The following ASTN1 variants were observed in gnomAD, a reference collection of about 807,000 sequenced individuals.
ASTN1 encodes the protein astrotactin 1.
A neutral mutation model predicts 140.7 loss-of-function variants in ASTN1; 41 were observed. That is an observed-to-expected ratio of 0.29 (90% CI 0.23 to 0.38). The LOEUF is 0.38. ASTN1 is among the 10% of genes least tolerant of loss of function. ASTN1 has a pLI of 1.00. For synonymous variants in ASTN1, 640 were observed against 652.2 expected (o/e 0.98, Z 0.29); for missense variants, 1,479 against 1,678.8 (o/e 0.88, Z 2.08).
chr1:177,006,579 C>T (rs1482357098), intron 8 of ASTN1, among the ~76,000 whole-genome samples: 1 of 152,104 alleles, frequency 6.6e-6, no homozygotes, highest in African/African-American at 2.4e-5. Context: ...AAAGCATAGG[C>T]AAGACATAAA....
At chr1:176,879,834 G>A (rs183300120) in intron 20 of ASTN1, among the ~76,000 whole-genome samples, 2 of 152,288 alleles carry the variant, frequency 1.3e-5, no homozygotes, top group East Asian at 1.9e-4. Flanking sequence ...CTTGACCTAA[G>A]GGCCATTCCT....
intron 20 of ASTN1, among the ~76,000 whole-genome samples, chr1:176,881,142 C>A (rs1282741977): frequency 1.3e-5 from 2 of 152,202 alleles, no homozygotes; most frequent in East Asian, 3.9e-4. Context: ...TCACTCCTGG[C>A]CTCCCACACG....
chr1:177,102,294 A>G (rs1314448336), intron 1 of ASTN1, among the ~76,000 whole-genome samples: 1 of 152,212 alleles, frequency 6.6e-6, no homozygotes, highest in East Asian at 1.9e-4. Context: ...AATCTTTTCA[A>G]GGTAGGTACT....
intron 8 of ASTN1, chr1:176,976,210 C>T (rs1163125205): frequency 6.6e-6 from 1 of 152,200 alleles, no homozygotes; most frequent in Non-Finnish European, 1.5e-5. Context: ...GATTTTCCTA[C>T]ATTCAGAAAT....
intron 16 of ASTN1, among the ~76,000 whole-genome samples, chr1:176,916,584 C>A (rs993353900): frequency 5.3e-5 from 8 of 152,140 alleles, no homozygotes; most frequent in African/African-American, 1.9e-4. Context: ...CCTCACCCTC[C>A]ACATCCAAAG....
At chr1:176,882,235 A>G (rs1668832535) in intron 20 of ASTN1, among the ~76,000 whole-genome samples, 1 of 152,342 alleles carries the variant, frequency 6.6e-6, no homozygotes, top group Middle Eastern at 3.4e-3. Flanking sequence ...AATTACTTCA[A>G]TGCCATTGGA....
At chr1:176,922,800 C>T (rs571879209) in intron 16 of ASTN1, among the ~76,000 whole-genome samples, 89 of 152,034 alleles carry the variant, frequency 5.9e-4, no homozygotes, top group Non-Finnish European at 1.1e-3. Flanking sequence ...TTACCCAGGG[C>T]AAGTTTTACT....
chr1:177,029,760 G>A lies in ASTN1; in HGVS notation c.1013-19C>T. The A allele has an allele frequency of 1.3e-6, 2 of 1,596,886 alleles. No homozygotes were observed. The highest frequency in any genetic ancestry group is 1.7e-6 in the Non-Finnish European group (2 of 1,168,918). ...GAACCAGCTGTAATGAAAGCAGCAT[G>A]GTCAAGAAAGCGTTTTCAGTTCTGG... On this transcript the variant is annotated intron_variant, in intron 4 of 22. Transcript: ENST00000361833.
intron 8 of ASTN1, among the ~76,000 whole-genome samples, chr1:177,006,241 T>C (rs1674988123): frequency 6.6e-6 from 1 of 152,156 alleles, no homozygotes; most frequent in African/African-American, 2.4e-5. Flanking sequence ...TTACCCTATT[T>C]TGTGATTATG....
intron 1 of ASTN1, among the ~76,000 whole-genome samples, chr1:177,128,204 C>T (rs1049832260): frequency 2.0e-5 from 3 of 151,948 alleles, no homozygotes; most frequent in Non-Finnish European, 2.9e-5. Context: ...AAAAAGAAAA[C>T]AAAAGAGTAT....
At chr1:177,162,837 G>A (rs554621151) in intron 1 of ASTN1, among the ~76,000 whole-genome samples, 2 of 152,138 alleles carry the variant, frequency 1.3e-5, no homozygotes, top group South Asian at 2.1e-4. Flanking sequence ...TTTGATGAGC[G>A]GCATATCCAC....
At chr1:176,975,207 C>A (rs887560322) in intron 8 of ASTN1, among the ~76,000 whole-genome samples, 2 of 152,222 alleles carry the variant, frequency 1.3e-5, no homozygotes, top group African/African-American at 2.4e-5. Context: ...TTTCCACAAG[C>A]CAGGCAGGTA....
At chr1:177,010,117 T>C (rs898869420) in intron 8 of ASTN1, among the ~76,000 whole-genome samples, 1 of 152,248 alleles carries the variant, frequency 6.6e-6, no homozygotes, top group African/African-American at 2.4e-5. Context: ...CCTCCTCTAA[T>C]ATTTTCATGT....
intron 1 of ASTN1, among the ~76,000 whole-genome samples, chr1:177,095,162 A>T (rs986550900): frequency 1.3e-5 from 2 of 152,210 alleles, no homozygotes; most frequent in African/African-American, 4.8e-5. Context: ...TAAGAGTAAA[A>T]TATAAGAAGT....
At chr1:177,093,742 A>G (rs2102110535) in intron 1 of ASTN1, among the ~76,000 whole-genome samples, 1 of 152,334 alleles carries the variant, frequency 6.6e-6, no homozygotes, top group East Asian at 1.9e-4. Flanking sequence ...TCATCAAAAC[A>G]CAAAAGAAAT....
chr1:176,987,883 AGAG>A (rs1673978883), intron 8 of ASTN1, among the ~76,000 whole-genome samples: 1 of 152,224 alleles, frequency 6.6e-6, no homozygotes, highest in African/African-American at 2.4e-5. Context: ...AGGTGAACAA[AGAG>A]GATTTGGCAA....
intron 11 of ASTN1, among the ~76,000 whole-genome samples, chr1:176,956,699 A>T (rs1404416996): frequency 6.6e-6 from 1 of 152,010 alleles, no homozygotes; most frequent in Non-Finnish European, 1.5e-5. Context: ...GGACTACATC[A>T]TTCTGCCTTC....
At chr1:177,089,370 T>C (rs1284028980) in intron 1 of ASTN1, among the ~76,000 whole-genome samples, 1 of 152,172 alleles carries the variant, frequency 6.6e-6, no homozygotes, top group Non-Finnish European at 1.5e-5. Context: ...AAGCCATTGT[T>C]ATTATTTGGT....
chr1:176,962,078 G>A (rs1303568062), intron 9 of ASTN1, among the ~76,000 whole-genome samples: 3 of 152,176 alleles, frequency 2.0e-5, no homozygotes, highest in African/African-American at 7.2e-5. Context: ...GCATCTCCAC[G>A]CTTCCTCAGA....
Sources: allele counts gnomAD v4.1 joint callset (sites outside exome capture counted in the v4.1 genomes callset), GRCh38; gene constraint gnomAD v4.1.1; transcripts MANE v1.5; gene names NCBI Gene and HGNC (gene_info 2026-07-23, HGNC 2026-07-21).